The following GRID2 variants were observed in gnomAD, a reference collection of about 807,000 sequenced individuals.
GRID2 encodes the protein glutamate receptor ionotropic, delta-2.
GRID2 carries 33 observed loss-of-function variants against 114.8 expected under a neutral mutation model. That is an observed-to-expected ratio of 0.29 (90% CI 0.22 to 0.38). The LOEUF is 0.38. GRID2 is among the 10% of genes least tolerant of loss of function. The pLI is 1.00. For missense variants in GRID2, 1,184 were observed against 1,257.7 expected, an observed-to-expected ratio of 0.94 and a Z score of 0.89; for synonymous variants, 505 against 449.9, an observed-to-expected ratio of 1.12 and a Z score of -1.55.
At chr4:92,796,043 A>G (rs35747159) in intron 2 of GRID2, among the ~76,000 whole-genome samples, 1 of 151,960 alleles carries the variant, frequency 6.6e-6, no homozygotes, top group South Asian at 2.1e-4. Context: ...TTTAGACTGG[A>G]TGGAATTATG....
chr4:93,758,181 AAATAC>A (rs1188622609), intron 14 of GRID2, among the ~76,000 whole-genome samples: 6 of 152,212 alleles, frequency 3.9e-5, no homozygotes, highest in African/African-American at 7.2e-5. Flanking sequence ...TAATAATGCT[AAATAC>A]AATACATCTA....
intron 4 of GRID2, among the ~76,000 whole-genome samples, chr4:93,205,314 A>G (rs1424891030): frequency 6.6e-6 from 1 of 152,006 alleles, no homozygotes; most frequent in African/African-American, 2.4e-5. Flanking sequence ...TATTTCAAAA[A>G]TGATAATAAT....
chr4:92,346,691 A>ACTTTAAATACAATATCAGGGAT, intron 1 of GRID2, among the ~76,000 whole-genome samples: 1 of 152,144 alleles, frequency 6.6e-6, no homozygotes, highest in Non-Finnish European at 1.5e-5. Context: ...TCAGGGAGAA[A>ACTTTAAATACAATATCAGGGAT]ATCAACAATA....
intron 8 of GRID2, among the ~76,000 whole-genome samples, chr4:93,350,798 C>T (rs754840780): frequency 6.6e-6 from 1 of 151,980 alleles, no homozygotes; most frequent in Non-Finnish European, 1.5e-5. Flanking sequence ...ATAATTGTAA[C>T]CTTAAAAATT....
At chr4:92,656,033 G>A (rs1471995413) in intron 2 of GRID2, among the ~76,000 whole-genome samples, 1 of 151,622 alleles carries the variant, frequency 6.6e-6, no homozygotes, top group African/African-American at 2.4e-5. Flanking sequence ...ATTTTGAGAT[G>A]TGGTCCTTCT....
intron 2 of GRID2, among the ~76,000 whole-genome samples, chr4:92,755,775 C>A (rs1560574085): frequency 6.6e-6 from 1 of 152,082 alleles, no homozygotes; most frequent in Non-Finnish European, 1.5e-5. Context: ...TAATTTTATT[C>A]TGAGTGTATA....
At chr4:92,761,407 G>A (rs1738006206) in intron 2 of GRID2, among the ~76,000 whole-genome samples, 1 of 152,086 alleles carries the variant, frequency 6.6e-6, no homozygotes, top group Non-Finnish European at 1.5e-5. Context: ...TTTCTTTACA[G>A]CTCTATTTAG....
intron 2 of GRID2, among the ~76,000 whole-genome samples, chr4:92,950,573 A>G (rs1386280014): frequency 2.0e-5 from 3 of 152,144 alleles, no homozygotes; most frequent in Non-Finnish European, 4.4e-5. Context: ...CTCCTACTTC[A>G]GTCCCAGAAG....
At chr4:92,637,905 G>C (rs1731150043) in intron 2 of GRID2, among the ~76,000 whole-genome samples, 2 of 151,938 alleles carry the variant, frequency 1.3e-5, no homozygotes, top group Non-Finnish European at 2.9e-5. Context: ...TTCTATTCCA[G>C]CTAGGGTAAT....
At chr4:93,359,416 A>T (rs1236779867) in intron 8 of GRID2, among the ~76,000 whole-genome samples, 4 of 151,948 alleles carry the variant, frequency 2.6e-5, no homozygotes, top group African/African-American at 9.7e-5. Flanking sequence ...AGCATTTATC[A>T]TTTGAGCTAC....
At chr4:93,470,577 A>T (rs1010666745) in intron 11 of GRID2, among the ~76,000 whole-genome samples, 2 of 152,060 alleles carry the variant, frequency 1.3e-5, no homozygotes, top group Non-Finnish European at 2.9e-5. Context: ...CCAAATAAAT[A>T]TTATCGTGAT....
chr4:92,795,284 C>T (rs1042815209), intron 2 of GRID2, among the ~76,000 whole-genome samples: 2 of 151,808 alleles, frequency 1.3e-5, no homozygotes, highest in Non-Finnish European at 2.9e-5. Flanking sequence ...CTGGTCTTTC[C>T]TGTGCTATTC....
intron 8 of GRID2, among the ~76,000 whole-genome samples, chr4:93,350,245 C>T (rs948558406): frequency 6.6e-5 from 10 of 152,078 alleles, no homozygotes; most frequent in Admixed American, 4.6e-4. Context: ...TCCATGCAAC[C>T]TTCGTTAATC....
chr4:92,812,367 T>C (rs1331640737), intron 2 of GRID2, among the ~76,000 whole-genome samples: 2 of 152,056 alleles, frequency 1.3e-5, no homozygotes, highest in Non-Finnish European at 2.9e-5. Context: ...GAAACAGATT[T>C]AATCAAAACA....
intron 2 of GRID2, among the ~76,000 whole-genome samples, chr4:92,912,824 A>G (rs1044306090): frequency 6.6e-6 from 1 of 151,870 alleles, no homozygotes; most frequent in Admixed American, 6.6e-5. Context: ...AAAAAAGTGC[A>G]TAAATACACA....
intron 2 of GRID2, among the ~76,000 whole-genome samples, chr4:92,866,505 A>G (rs1337266649): frequency 6.6e-6 from 1 of 152,006 alleles, no homozygotes; most frequent in African/African-American, 2.4e-5. Context: ...AGATAATTTT[A>G]AGAACCAAAT....
chr4:92,479,253 T>A (rs554302486), intron 1 of GRID2, among the ~76,000 whole-genome samples: 9 of 152,280 alleles, frequency 5.9e-5, no homozygotes, highest in African/African-American at 2.2e-4. Flanking sequence ...CATGGTTTTT[T>A]AAAAGTTGTT....
chr4:93,155,289 A>G (rs1407647372), intron 4 of GRID2, among the ~76,000 whole-genome samples: 1 of 151,976 alleles, frequency 6.6e-6, no homozygotes, highest in Non-Finnish European at 1.5e-5. Flanking sequence ...TGTTCTAGCC[A>G]TTCTGAAAAA....
chr4:92,693,194 T>A (rs12645188), intron 2 of GRID2, among the ~76,000 whole-genome samples: 11,992 of 152,146 alleles, frequency 0.079, 505 homozygotes, highest in East Asian at 0.088. Context: ...AACAACGTTC[T>A]AGTAATCTCA....
Sources: allele counts gnomAD v4.1 joint callset (sites outside exome capture counted in the v4.1 genomes callset), GRCh38; gene constraint gnomAD v4.1.1; transcripts MANE v1.5; gene names NCBI Gene and HGNC (gene_info 2026-07-23, HGNC 2026-07-21).